PTPN22: variants seen among roughly 807,000 people sequenced by gnomAD.
PTPN22 encodes protein tyrosine phosphatase non-receptor type 22.
A neutral mutation model predicts 103.3 loss-of-function variants in PTPN22; 85 were observed. The ratio of observed to expected loss-of-function variants is 0.82; its 90% confidence interval spans 0.69 to 0.99. The LOEUF (loss-of-function observed/expected upper bound fraction) is 0.99. Ranked by LOEUF, PTPN22 falls within the 50% of genes least tolerant of loss-of-function variation. The probability of loss-of-function intolerance (pLI) is 0.00; values close to 1 mark genes in which losing one functional copy is unlikely to be tolerated. For missense variants in PTPN22, 865 were observed against 936.9 expected (o/e 0.92, Z 1.00); for synonymous variants, 323 against 310.2 (o/e 1.04, Z -0.43).
At chr1:113,863,286 T>A (rs1665780368) in intron 1 of PTPN22, among the ~76,000 whole-genome samples, 1 of 152,158 alleles carries the variant, frequency 6.6e-6, no homozygotes, top group Non-Finnish European at 1.5e-5. Flanking sequence ...AGAGACAGGG[T>A]TTTACCACGT....
intron 1 of PTPN22, among the ~76,000 whole-genome samples, chr1:113,870,411 T>C (rs1351234012): frequency 6.6e-6 from 1 of 152,216 alleles, no homozygotes. Context: ...AAACGCCAGC[T>C]GTAAGCATTC....
At chr1:113,816,634 C>T (rs1031596130) in intron 20 of PTPN22, among the ~76,000 whole-genome samples, 2 of 151,808 alleles carry the variant, frequency 1.3e-5, no homozygotes, top group Admixed American at 6.6e-5. Flanking sequence ...AGAAGCCAGG[C>T]GTGGTGGCTC....
At chr1:113,864,312 T>C (rs1250304512) in intron 1 of PTPN22, 4 of 439,360 alleles carry the variant, frequency 9.1e-6, no homozygotes, top group Non-Finnish European at 1.8e-5. Context: ...ATCACTTGAG[T>C]CCAGGAAGTC....
chr1:113,858,326 C>T, intron 4 of PTPN22, 152 bp downstream of exon 4: 1 of 569,612 alleles, frequency 1.8e-6, no homozygotes, highest in South Asian at 2.3e-5. Flanking sequence ...CCAGAGTACA[C>T]CTGGCTGAGA....
intron 1 of PTPN22, among the ~76,000 whole-genome samples, chr1:113,867,733 A>G (rs1666233678): frequency 6.6e-6 from 1 of 152,344 alleles, no homozygotes; most frequent in South Asian, 2.1e-4. Context: ...ATGGGTGGTC[A>G]GTGGTAGTTT....
intron 1 of PTPN22, among the ~76,000 whole-genome samples, chr1:113,868,007 T>C (rs757519715): frequency 5.3e-5 from 8 of 152,246 alleles, no homozygotes; most frequent in South Asian, 4.1e-4. Flanking sequence ...TCTACATTAC[T>C]TATAATACCT....
chr1:113,871,539 G>A (rs1666585400), exon 1 of PTPN22: 5 of 1,613,804 alleles, frequency 3.1e-6, no homozygotes, highest in African/African-American at 1.3e-5. Flanking sequence ...GGACTCACCA[G>A]AAATTCATTG....
Position 113,837,587 on chromosome 1 carries a change from T to C in PTPN22, c.1810+3A>G. On this transcript the variant is annotated splice_donor_region_variant and intron_variant, in intron 13 of 20. Transcript: ENST00000359785. ...TCTATGCAAACTTTAAAAAATAACT[T>C]ACCTAGTACAGCTGACTCCTGGTTC... The C allele has an allele frequency of 6.6e-7, 1 of 1,516,384 alleles. No homozygotes were observed. The highest frequency in any genetic ancestry group is 9.0e-7 in the Non-Finnish European group (1 of 1,113,482). The allele number at this position is 1,516,384 out of a possible 1,614,324, so 93.9% of individuals were successfully genotyped here.
chr1:113,846,203 A>G (rs918956406), intron 11 of PTPN22, among the ~76,000 whole-genome samples: 3 of 151,730 alleles, frequency 2.0e-5, no homozygotes, highest in Admixed American at 1.3e-4. Flanking sequence ...TCTGTTTCTC[A>G]TTGCTCTTTT....
intron 5 of PTPN22, chr1:113,857,515 G>A (rs926697164): frequency 1.8e-5 from 8 of 449,090 alleles, no homozygotes; most frequent in Non-Finnish European, 4.0e-6. Context: ...AGCATACCTT[G>A]TTTTTAACTG....
intron 5 of PTPN22, 142 bp downstream of exon 5, chr1:113,857,596 C>A: frequency 1.5e-6 from 1 of 666,452 alleles, no homozygotes; most frequent in South Asian, 2.2e-5. Flanking sequence ...CTCTGAGAAT[C>A]ACGTGGCATT....
exon 10 of PTPN22, chr1:113,852,032 T>C: frequency 6.2e-7 from 1 of 1,605,530 alleles, no homozygotes; most frequent in Non-Finnish European, 8.5e-7. Context: ...CATACCTGCG[T>C]TTGAACTAAT....
chr1:113,842,541 G>A (rs1340561099), intron 11 of PTPN22, among the ~76,000 whole-genome samples: 1 of 152,098 alleles, frequency 6.6e-6, no homozygotes, highest in East Asian at 1.9e-4. Flanking sequence ...GGGCGTGGTG[G>A]CATGTGCCTG....
chr1:113,831,512 C>T (rs1390331258), intron 16 of PTPN22, among the ~76,000 whole-genome samples: 1 of 152,102 alleles, frequency 6.6e-6, no homozygotes, highest in Non-Finnish European at 1.5e-5. Flanking sequence ...TCTTGCCCCA[C>T]ATCTTATTTA....
At chr1:113,824,187 C>T (rs894417081) in intron 19 of PTPN22, among the ~76,000 whole-genome samples, 2 of 152,056 alleles carry the variant, frequency 1.3e-5, no homozygotes, top group Non-Finnish European at 2.9e-5. Flanking sequence ...CCGCAACCTC[C>T]GCATCCCGAG....
chr1:113,815,281 T>A (rs561221246), intron 20 of PTPN22: 34 of 209,698 alleles, frequency 1.6e-4, no homozygotes, highest in African/African-American at 6.0e-4. Context: ...GTCTATGACT[T>A]TTTGTCATCC....
At chr1:113,866,276 G>C (rs1666108891) in intron 1 of PTPN22, among the ~76,000 whole-genome samples, 1 of 152,138 alleles carries the variant, frequency 6.6e-6, no homozygotes, top group African/African-American at 2.4e-5. Flanking sequence ...ACTTTGGGAG[G>C]CCAAGGCAGG....
intron 11 of PTPN22, 51 bp from the exon 12 acceptor site, chr1:113,838,671 A>G: frequency 6.4e-7 from 1 of 1,565,114 alleles, no homozygotes; most frequent in Non-Finnish European, 8.6e-7. Flanking sequence ...AATGTCAATA[A>G]GATATTTTAA....
In PTPN22 at chr1:113,829,724, G is replaced by A; in HGVS notation, c.2135-17C>T. 1 of 1,435,816 alleles carries A rather than the reference G, an allele frequency of 7.0e-7. No individual in the cohort carries two copies. Among genetic ancestry groups the A allele is most frequent in the Non-Finnish European group, 9.6e-7 (1 of 1,046,156 alleles). The allele number at this position is 1,435,816 out of a possible 1,614,324, so 88.9% of individuals were successfully genotyped here. On this transcript the variant is annotated splice_polypyrimidine_tract_variant and intron_variant, in intron 17 of 20. Transcript: ENST00000359785. ...CCTGCATACCTTAAAAAAAAAAAAG[G>A]AGAAAAACATGTTCCATTGCATACC... is the stretch of plus-strand genomic sequence containing the variant.
Sources: gnomAD v4.1 joint callset for allele counts (sites outside exome capture counted in the v4.1 genomes callset) on GRCh38, gnomAD v4.1.1 for gene constraint, MANE v1.5 for transcripts, NCBI Gene and HGNC (gene_info 2026-07-23, HGNC 2026-07-21) for gene names.